MSRA: variants seen among roughly 807,000 people sequenced by gnomAD.
MSRA encodes methionine sulfoxide reductase A.
Under a neutral mutation model 31.3 loss-of-function variants are expected in MSRA, and 54 were observed. That is an observed-to-expected ratio of 1.73 (90% CI 1.39 to 2.17). The LOEUF is 2.17. MSRA is among the 30% of genes most tolerant of loss of function. MSRA has a pLI of 0.00. For synonymous variants in MSRA, 169 were observed against 116.5 expected, an observed-to-expected ratio of 1.45 and a Z score of -2.90; for missense variants, 507 against 300.9, an observed-to-expected ratio of 1.69 and a Z score of -5.07.
chr8:10,188,403 T>G (rs1407278393), intron 1 of MSRA, among the ~76,000 whole-genome samples: 3 of 152,238 alleles, frequency 2.0e-5, no homozygotes, highest in East Asian at 3.8e-4. Flanking sequence ...TCAGACTGTT[T>G]CGTTAGGATG....
intron 5 of MSRA, among the ~76,000 whole-genome samples, chr8:10,346,748 A>T (rs1803802144): frequency 6.6e-6 from 1 of 152,178 alleles, no homozygotes; most frequent in Non-Finnish European, 1.5e-5. Context: ...TAGTCCTAGA[A>T]TTTCAAGCCA....
intron 1 of MSRA, among the ~76,000 whole-genome samples, chr8:10,109,349 T>G (rs1800114544): frequency 6.6e-6 from 1 of 152,036 alleles, no homozygotes; most frequent in South Asian, 2.1e-4. Flanking sequence ...TTTCTTTTTT[T>G]TTTTTATTTG....
intron 2 of MSRA, among the ~76,000 whole-genome samples, chr8:10,224,048 C>T (rs761094811): frequency 1.3e-4 from 20 of 152,238 alleles, no homozygotes; most frequent in Non-Finnish European, 2.5e-4. Flanking sequence ...ATCATTTGTT[C>T]AATGGAGATA....
At chr8:10,390,370 C>T (rs1214527925) in intron 5 of MSRA, among the ~76,000 whole-genome samples, 1 of 152,158 alleles carries the variant, frequency 6.6e-6, no homozygotes, top group Non-Finnish European at 1.5e-5. Flanking sequence ...AAACTGGAGT[C>T]GCGTGGTCGC....
At chr8:10,258,766 T>A (rs1798313832) in intron 3 of MSRA, among the ~76,000 whole-genome samples, 1 of 152,184 alleles carries the variant, frequency 6.6e-6, no homozygotes, top group Non-Finnish European at 1.5e-5. Context: ...AGGCTTTCCC[T>A]CAGATTGTTC....
At chr8:10,091,555 T>A (rs1488925757) in intron 1 of MSRA, among the ~76,000 whole-genome samples, 1 of 152,132 alleles carries the variant, frequency 6.6e-6, no homozygotes, top group Non-Finnish European at 1.5e-5. Context: ...GTATACTGAT[T>A]TCATTTTCTT....
intron 1 of MSRA, among the ~76,000 whole-genome samples, chr8:10,198,969 T>G (rs1437632559): frequency 6.6e-6 from 1 of 152,226 alleles, no homozygotes; most frequent in Admixed American, 6.5e-5. Context: ...GGCATTGTTT[T>G]CGCAAGTTTG....
chr8:10,238,911 A>T (rs1172790823), intron 2 of MSRA, among the ~76,000 whole-genome samples: 4 of 152,236 alleles, frequency 2.6e-5, no homozygotes, highest in Non-Finnish European at 5.9e-5. Flanking sequence ...ATTTAAGAAC[A>T]TTCAAATTTA....
chr8:10,233,193 C>T (rs1468560882), intron 2 of MSRA, among the ~76,000 whole-genome samples: 1 of 152,184 alleles, frequency 6.6e-6, no homozygotes, highest in East Asian at 1.9e-4. Context: ...TTGTTGTAGC[C>T]ACTGCTGCAG....
chr8:10,401,139 T>C (rs770154461), intron 5 of MSRA, among the ~76,000 whole-genome samples: 1 of 151,732 alleles, frequency 6.6e-6, no homozygotes, highest in Non-Finnish European at 1.5e-5. Context: ...CAGAAAATGT[T>C]AGCAAATCAT....
intron 4 of MSRA, among the ~76,000 whole-genome samples, chr8:10,311,092 G>C (rs1311683837): frequency 6.6e-6 from 1 of 152,168 alleles, no homozygotes; most frequent in East Asian, 1.9e-4. Flanking sequence ...ACATAAAAGA[G>C]TACTGAATTA....
intron 1 of MSRA, among the ~76,000 whole-genome samples, chr8:10,061,156 T>A (rs1044507178): frequency 6.6e-6 from 1 of 152,148 alleles, no homozygotes; most frequent in Non-Finnish European, 1.5e-5. Context: ...GCTTTCCCAG[T>A]CTTTTTCTCC....
Position 10,215,849 on chromosome 8 carries a change from C to T in MSRA, c.211+7948C>T, listed in dbSNP as rs549182108. On this transcript the variant is annotated intron_variant, in intron 2 of 5. Coordinates refer to ENST00000317173, the MANE Select transcript of MSRA (RefSeq NM_012331.5). ...CCACCCACTTGACTGACGTTTTTTCCTTTAAGTTTTGACAACGAGAAAGAT... is the reference window on the plus strand; with the variant it reads ...CCACCCACTTGACTGACGTTTTTTCTTTTAAGTTTTGACAACGAGAAAGAT... Among the ~76,000 whole-genome samples, 107 of 152,246 alleles carry T rather than the reference C, an allele frequency of 7.0e-4. 1 individual carries two copies. The highest frequency in any genetic ancestry group is 2.5e-3 in the African/African-American group (103 of 41,558).
At chr8:10,140,723 A>T (rs1475892567) in intron 1 of MSRA, among the ~76,000 whole-genome samples, 4 of 152,260 alleles carry the variant, frequency 2.6e-5, no homozygotes, top group African/African-American at 9.6e-5. Flanking sequence ...GTCAAGATCA[A>T]CTGACTAAAA....
At chr8:10,130,253 C>G (rs908535006) in intron 1 of MSRA, among the ~76,000 whole-genome samples, 4 of 152,172 alleles carry the variant, frequency 2.6e-5, no homozygotes, top group African/African-American at 9.7e-5. Context: ...TTCTCAGCAA[C>G]TTTGTGAATT....
intron 1 of MSRA, among the ~76,000 whole-genome samples, chr8:10,156,899 A>T (rs1014742801): frequency 1.3e-5 from 2 of 150,138 alleles, no homozygotes; most frequent in African/African-American, 4.9e-5. Context: ...CATGGTAAGT[A>T]AAGTAACATG....
At chr8:10,305,542 T>G (rs571622427) in intron 4 of MSRA, among the ~76,000 whole-genome samples, 146 of 152,046 alleles carry the variant, frequency 9.6e-4, no homozygotes, top group African/African-American at 3.4e-3. Flanking sequence ...GCCTCCTGAG[T>G]AGCTTGGATT....
At chr8:10,080,541 T>G (rs944105471) in intron 1 of MSRA, among the ~76,000 whole-genome samples, 20 of 152,040 alleles carry the variant, frequency 1.3e-4, no homozygotes, top group African/African-American at 4.6e-4. Context: ...TTGTTGTGTT[T>G]TTTAGAGAAG....
chr8:10,056,222 C>A (rs112197216), intron 1 of MSRA, among the ~76,000 whole-genome samples: 1,043 of 90,440 alleles, frequency 0.012, 11 homozygotes, highest in African/African-American at 0.035. Context: ...AAAAAAAAAA[C>A]CCCAAATAAT....
Sources: gnomAD v4.1 joint callset for allele counts (sites outside exome capture counted in the v4.1 genomes callset) on GRCh38, gnomAD v4.1.1 for gene constraint, MANE v1.5 for transcripts, NCBI Gene and HGNC (gene_info 2026-07-23, HGNC 2026-07-21) for gene names.